ZNF438: variants seen among roughly 807,000 people sequenced by gnomAD.
The protein encoded by ZNF438 is zinc finger protein 438.
A neutral mutation model predicts 38.0 loss-of-function variants in ZNF438; 25 were observed. The ratio of observed to expected loss-of-function variants is 0.66; its 90% CI spans 0.48 to 0.92. The LOEUF (loss-of-function observed/expected upper bound fraction) is 0.92. Among genes scored for constraint, ZNF438 ranks in the 40% least tolerant of loss-of-function variants. The pLI is 0.00. For missense variants in ZNF438, 1,007 were observed against 999.6 expected, an observed-to-expected ratio of 1.01 and a Z score of -0.10; for synonymous variants, 372 against 364.1, an observed-to-expected ratio of 1.02 and a Z score of -0.25.
chr10:30,973,765 C>T (rs1265751915), intron 1 of ZNF438, among the ~76,000 whole-genome samples: 3 of 152,098 alleles, frequency 2.0e-5, no homozygotes, highest in East Asian at 1.9e-4. Flanking sequence ...CTCCAGAATC[C>T]GGGCAGAACA....
chr10:31,024,187 A>G (rs1048365294), intron 1 of ZNF438, among the ~76,000 whole-genome samples: 4 of 152,256 alleles, frequency 2.6e-5, no homozygotes. Flanking sequence ...GAAACAGCCA[A>G]ACTACATTAT....
At chr10:30,906,074 G>T (rs1200769997) in intron 3 of ZNF438, among the ~76,000 whole-genome samples, 1 of 151,934 alleles carries the variant, frequency 6.6e-6, no homozygotes, top group South Asian at 2.1e-4. Context: ...TTAATTTTAG[G>T]GTCAGCTTGT....
At chr10:30,890,083 CAAAAAAAAAAAAAAA>C (rs71863439) in intron 3 of ZNF438, among the ~76,000 whole-genome samples, 1 of 93,382 alleles carries the variant, frequency 1.1e-5, no homozygotes, top group Admixed American at 1.1e-4. Flanking sequence ...TTGGCATTTC[CAAAAAAAAAAAAAAA>C]AAAAAGAAAA....
rs137925020 is a variant in ZNF438 at position 30,928,985 on chromosome 10, GCTTT to G, written c.-115+12586_-115+12589del. On this transcript the variant is annotated intron_variant, in intron 2 of 5. Coordinates refer to ENST00000413025, the Ensembl canonical transcript of ZNF438. Reference sequence around the variant, plus strand: ...CTGGTACTAAGTTACTGTATCATATGCTTTCTGTTTCAGATTTTATGGTTTAAGG... The same window carrying G: ...CTGGTACTAAGTTACTGTATCATATGCTGTTTCAGATTTTATGGTTTAAGG... Among the ~76,000 whole-genome samples, 914 of 152,290 alleles carry G rather than the reference GCTTT, an allele frequency of 6.0e-3. 8 individuals carry two copies. Among genetic ancestry groups the G allele is most frequent in the African/African-American group, 0.021 (882 of 41,558 alleles).
At chr10:30,847,182 C>A (rs887433929) in intron 5 of ZNF438, among the ~76,000 whole-genome samples, 2 of 152,214 alleles carry the variant, frequency 1.3e-5, no homozygotes, top group African/African-American at 4.8e-5. Flanking sequence ...GCCCTGAAGC[C>A]TGGGGGCCAG....
At chr10:30,997,892 T>C (rs2256726) in intron 1 of ZNF438, among the ~76,000 whole-genome samples, 61,127 of 151,992 alleles carry the variant, frequency 0.4, 12,546 homozygotes, top group Admixed American at 0.44. Flanking sequence ...CTTATCAGGA[T>C]GGTAGAATGA....
chr10:31,003,381 C>T (rs1402331425), intron 1 of ZNF438, among the ~76,000 whole-genome samples: 2 of 152,102 alleles, frequency 1.3e-5, no homozygotes, highest in Admixed American at 1.3e-4. Context: ...GGATGTCTTG[C>T]TTACTCTTCC....
intron 2 of ZNF438, among the ~76,000 whole-genome samples, chr10:30,940,505 A>C (rs963099624): frequency 1.3e-5 from 2 of 152,174 alleles, no homozygotes; most frequent in African/African-American, 4.8e-5. Context: ...AAACCAGTAC[A>C]AGTTAAGACA....
chr10:30,983,311 GT>G (rs2052423248), intron 1 of ZNF438, among the ~76,000 whole-genome samples: 1 of 152,206 alleles, frequency 6.6e-6, no homozygotes, highest in Non-Finnish European at 1.5e-5. Context: ...GGTTTAGTTG[GT>G]TCATGGTTCC....
At chr10:30,875,281 T>C in intron 4 of ZNF438, 1 of 985,462 alleles carries the variant, frequency 1.0e-6, no homozygotes, top group Non-Finnish European at 1.2e-6. Context: ...TCTCCCTCTG[T>C]ATCAGCCAGA....
At chr10:30,880,586 T>C (rs1165292762) in intron 3 of ZNF438, among the ~76,000 whole-genome samples, 3 of 152,048 alleles carry the variant, frequency 2.0e-5, no homozygotes, top group Admixed American at 2.0e-4. Context: ...AAGGAGGAAA[T>C]TATACCAATT....
At chr10:31,022,427 A>C (rs915812325) in intron 1 of ZNF438, among the ~76,000 whole-genome samples, 2 of 151,928 alleles carry the variant, frequency 1.3e-5, no homozygotes, top group African/African-American at 4.8e-5. Flanking sequence ...ATGCCTGGCC[A>C]ATTTTGTATT....
intron 1 of ZNF438, among the ~76,000 whole-genome samples, chr10:30,969,774 T>C (rs1013865418): frequency 2.6e-5 from 4 of 152,306 alleles, no homozygotes; most frequent in African/African-American, 4.8e-5. Flanking sequence ...TTGAATGTTA[T>C]TTGTGACTTC....
At chr10:30,940,068 A>T (rs1223211699) in intron 2 of ZNF438, among the ~76,000 whole-genome samples, 1 of 152,234 alleles carries the variant, frequency 6.6e-6, no homozygotes, top group East Asian at 1.9e-4. Flanking sequence ...GAAGATGGCA[A>T]CCAGGAGTGC....
At chr10:30,918,473 T>C (rs2043907247) in intron 2 of ZNF438, among the ~76,000 whole-genome samples, 1 of 152,178 alleles carries the variant, frequency 6.6e-6, no homozygotes, top group Non-Finnish European at 1.5e-5. Context: ...TGCATGTCTT[T>C]TGTTGAATTT....
At chr10:30,905,483 T>A (rs929343086) in intron 3 of ZNF438, among the ~76,000 whole-genome samples, 3 of 152,244 alleles carry the variant, frequency 2.0e-5, no homozygotes, top group Non-Finnish European at 4.4e-5. Flanking sequence ...GTAACAGTTC[T>A]TTATATATGT....
At chr10:30,900,495 G>A (rs1273217760) in intron 3 of ZNF438, among the ~76,000 whole-genome samples, 2 of 152,150 alleles carry the variant, frequency 1.3e-5, no homozygotes, top group Non-Finnish European at 2.9e-5. Flanking sequence ...AACAGCAGCA[G>A]CAACTAACAT....
intron 2 of ZNF438, among the ~76,000 whole-genome samples, chr10:30,937,691 G>A (rs1245483682): frequency 1.3e-5 from 2 of 152,166 alleles, no homozygotes; most frequent in Non-Finnish European, 2.9e-5. Flanking sequence ...CTGAGGTCAA[G>A]GCTGACATCA....
chr10:30,880,430 TAAAAAAAAA>T (rs60365494), intron 3 of ZNF438, among the ~76,000 whole-genome samples: 2 of 111,918 alleles, frequency 1.8e-5, no homozygotes, highest in Non-Finnish European at 3.6e-5. Flanking sequence ...AAATTCTATC[TAAAAAAAAA>T]AAAAAAAAGA....
Sources: gnomAD v4.1 joint callset for allele counts (sites outside exome capture counted in the v4.1 genomes callset) on GRCh38, gnomAD v4.1.1 for gene constraint, MANE v1.5 for transcripts, NCBI Gene and HGNC (gene_info 2026-07-23, HGNC 2026-07-21) for gene names.